The following SYT14 variants were observed in gnomAD, a reference collection of about 807,000 sequenced individuals.
SYT14 encodes synaptotagmin 14.
A neutral mutation model predicts 74.2 loss-of-function variants in SYT14; 32 were observed. The observed-to-expected ratio is 0.43, with a 90% CI of 0.33 to 0.58. SYT14 has a LOEUF of 0.58. Ranked by LOEUF, SYT14 falls within the 20% of genes least tolerant of loss-of-function variation. The pLI is 0.05. For missense variants in SYT14, 791 were observed against 981.8 expected (o/e 0.81, Z 2.60); for synonymous variants, 298 against 337.7 (o/e 0.88, Z 1.29).
chr1:210,077,003 A>G (rs2081512914), intron 5 of SYT14, among the ~76,000 whole-genome samples: 1 of 152,168 alleles, frequency 6.6e-6, no homozygotes. Flanking sequence ...GTTCTTCCTT[A>G]TTGTAGAATT....
chr1:209,964,750 TAG>T (rs2079128471), intron 2 of SYT14, among the ~76,000 whole-genome samples: 1 of 152,056 alleles, frequency 6.6e-6, no homozygotes, highest in Admixed American at 6.5e-5. Context: ...GAAAGTCCAT[TAG>T]AGACTCAGAG....
chr1:209,968,387 A>AG (rs1491108194), intron 2 of SYT14, among the ~76,000 whole-genome samples: 1 of 151,748 alleles, frequency 6.6e-6, no homozygotes, highest in Non-Finnish European at 1.5e-5. Flanking sequence ...CTCCATATGG[A>AG]TAGTACTCCA....
intron 1 of SYT14, 57 bp downstream of exon 1, chr1:209,938,334 C>A: frequency 6.6e-7 from 1 of 1,515,026 alleles, no homozygotes. Flanking sequence ...TGGCGGGGGG[C>A]TCGGAGGTGC....
intron 1 of SYT14, among the ~76,000 whole-genome samples, chr1:209,943,259 T>A (rs2078765902): frequency 6.6e-6 from 1 of 152,070 alleles, no homozygotes; most frequent in African/African-American, 2.4e-5. Context: ...AGCAGTGTAC[T>A]TTGGTAGGCC....
Position 210,153,671 on chromosome 1 carries a change from A to G in SYT14, c.2035-2050A>G, listed in dbSNP as rs182289845. Among the ~76,000 whole-genome samples, 4 of 152,286 alleles carry G rather than the reference A, an allele frequency of 2.6e-5. No homozygotes were observed. In the East Asian group the frequency reaches 7.7e-4, roughly 29 times the overall value. On this transcript the variant is annotated intron_variant, in intron 7 of 9. Transcript: ENST00000637265. ...TTGTTCCTGTGTACATAATTATGTA[A>G]TCTGCACATAAGGGCTTTTTAAAAA...
chr1:210,135,063 C>T (rs2082754158), intron 7 of SYT14, among the ~76,000 whole-genome samples: 3 of 152,054 alleles, frequency 2.0e-5, no homozygotes. Context: ...TCATTGCAAC[C>T]TCCACCTCCC....
intron 7 of SYT14, among the ~76,000 whole-genome samples, chr1:210,101,875 G>A (rs1026199453): frequency 2.0e-5 from 3 of 152,010 alleles, no homozygotes; most frequent in African/African-American, 7.2e-5. Flanking sequence ...TAATTTATCT[G>A]TTACCAATTA....
At chr1:210,159,234 C>T (rs1244280282) in intron 8 of SYT14, among the ~76,000 whole-genome samples, 187 bp from the exon 8 acceptor site, 1 of 152,110 alleles carries the variant, frequency 6.6e-6, no homozygotes, top group African/African-American at 2.4e-5. Flanking sequence ...TAAAAATTCT[C>T]ATCCCATTAA....
At chr1:210,034,055 TATGA>T (rs1451682357) in intron 5 of SYT14, among the ~76,000 whole-genome samples, 9 of 151,860 alleles carry the variant, frequency 5.9e-5, no homozygotes. Flanking sequence ...AGCTATAATT[TATGA>T]ATGATTATGT....
chr1:210,127,334 A>G (rs988341645), intron 7 of SYT14, among the ~76,000 whole-genome samples: 1 of 152,136 alleles, frequency 6.6e-6, no homozygotes, highest in Admixed American at 6.5e-5. Context: ...GAGACCCTCT[A>G]TTGAGGACTT....
intron 5 of SYT14, among the ~76,000 whole-genome samples, chr1:210,075,596 G>A (rs1029306084): frequency 4.6e-5 from 7 of 152,158 alleles, no homozygotes; most frequent in Non-Finnish European, 8.8e-5. Flanking sequence ...GCCTCCCAAA[G>A]TGCTGGAATT....
At chr1:210,142,424 G>A (rs762907424) in intron 7 of SYT14, among the ~76,000 whole-genome samples, 56 of 152,126 alleles carry the variant, frequency 3.7e-4, no homozygotes, top group Non-Finnish European at 6.6e-4. Flanking sequence ...TGTTCATGTT[G>A]CTTTTATAGA....
chr1:209,951,575 A>G (rs1452824378), intron 1 of SYT14, among the ~76,000 whole-genome samples: 3 of 152,180 alleles, frequency 2.0e-5, no homozygotes, highest in East Asian at 3.8e-4. Context: ...CACTTGCCCC[A>G]TAAACCCAGC....
At chr1:210,098,036 G>T (rs1167681746) in intron 6 of SYT14, among the ~76,000 whole-genome samples, 1 of 152,088 alleles carries the variant, frequency 6.6e-6, no homozygotes, top group African/African-American at 2.4e-5. Context: ...TTAGCCAGGT[G>T]TGGTCGTGTA....
chr1:209,969,486 CTTTTTTTTT>C (rs35157576), intron 2 of SYT14, among the ~76,000 whole-genome samples: 9 of 127,212 alleles, frequency 7.1e-5, no homozygotes, highest in Non-Finnish European at 1.5e-4. Flanking sequence ...TTTTTTCTTT[CTTTTTTTTT>C]TTTTTTTTTT....
At chr1:210,077,514 A>G (rs116353093) in intron 5 of SYT14, among the ~76,000 whole-genome samples, 1,694 of 152,278 alleles carry the variant, frequency 0.011, 42 homozygotes, top group African/African-American at 0.039. Flanking sequence ...GGTTCTTTCT[A>G]CCTTTTGGCT....
intron 1 of SYT14, among the ~76,000 whole-genome samples, chr1:209,941,567 C>T (rs2078730941): frequency 6.6e-6 from 1 of 152,178 alleles, no homozygotes; most frequent in African/African-American, 2.4e-5. Context: ...ACATATTTCT[C>T]AGTTTTGTCT....
At chr1:210,045,262 T>A (rs1217514519) in intron 5 of SYT14, among the ~76,000 whole-genome samples, 1 of 152,212 alleles carries the variant, frequency 6.6e-6, no homozygotes, top group Non-Finnish European at 1.5e-5. Context: ...CAAACTAAGA[T>A]CTGTTTATTC....
intron 2 of SYT14, among the ~76,000 whole-genome samples, chr1:210,004,880 A>G (rs1469886418): frequency 1.3e-5 from 2 of 152,044 alleles, no homozygotes; most frequent in Non-Finnish European, 2.9e-5. Flanking sequence ...ACAAAAAGGT[A>G]GAATGATATC....
Sources: gnomAD v4.1 joint callset for allele counts (sites outside exome capture counted in the v4.1 genomes callset) on GRCh38, gnomAD v4.1.1 for gene constraint, MANE v1.5 for transcripts, NCBI Gene and HGNC (gene_info 2026-07-23, HGNC 2026-07-21) for gene names.